The following CPLX2 variants were observed in gnomAD, a reference collection of about 807,000 sequenced individuals.
The protein encoded by CPLX2 is complexin-2.
A neutral mutation model predicts 16.3 loss-of-function variants in CPLX2; 5 were observed. That is an observed-to-expected ratio of 0.31 (90% CI 0.16 to 0.64). The LOEUF is 0.64. CPLX2 is among the 30% of genes least tolerant of loss of function. The probability of loss-of-function intolerance (pLI) is 0.79; values close to 1 mark genes in which losing one functional copy is unlikely to be tolerated. For synonymous variants in CPLX2, 89 were observed against 73.2 expected (o/e 1.22, Z -1.10); for missense variants, 144 against 181.4 (o/e 0.79, Z 1.18).
At chr5:175,826,407 T>G (rs1439022974) in intron 2 of CPLX2, among the ~76,000 whole-genome samples, 2 of 152,062 alleles carry the variant, frequency 1.3e-5, no homozygotes, top group Non-Finnish European at 1.5e-5. Context: ...CTATTCCCAG[T>G]GCGAAAGGAC....
intron 1 of CPLX2, among the ~76,000 whole-genome samples, chr5:175,800,492 A>AC (rs1234173407): frequency 6.6e-6 from 1 of 151,080 alleles, no homozygotes; most frequent in East Asian, 1.9e-4. Flanking sequence ...CTCCAGAAAA[A>AC]AAAAAAACAA....
At chr5:175,879,680 C>T in intron 3 of CPLX2, 168 bp from the exon 4 acceptor site, 1 of 722,838 alleles carries the variant, frequency 1.4e-6, no homozygotes. Flanking sequence ...CACTGAGGAC[C>T]AGGCACCATC....
intron 2 of CPLX2, among the ~76,000 whole-genome samples, chr5:175,861,230 G>A (rs914515392): frequency 3.3e-5 from 5 of 152,130 alleles, no homozygotes. Flanking sequence ...AATCAAAAAA[G>A]CCTTGGGCTT....
At chr5:175,800,845 GA>G (rs1282338659) in intron 1 of CPLX2, among the ~76,000 whole-genome samples, 1 of 152,098 alleles carries the variant, frequency 6.6e-6, no homozygotes, top group Non-Finnish European at 1.5e-5. Context: ...AAGCAAATGT[GA>G]AAATAGACAG....
At chr5:175,826,406 G>A (rs910369546) in intron 2 of CPLX2, among the ~76,000 whole-genome samples, 8 of 152,130 alleles carry the variant, frequency 5.3e-5, no homozygotes, top group African/African-American at 1.9e-4. Flanking sequence ...GCTATTCCCA[G>A]TGCGAAAGGA....
rs1247360475 is a variant in CPLX2 at position 175,845,701 on chromosome 5, C to G, written c.-88-32951C>G. Among the ~76,000 whole-genome samples the G allele has an allele frequency of 2.0e-5, 3 of 152,168 alleles. No homozygotes were observed. The highest frequency in any genetic ancestry group is 2.9e-5 in the Non-Finnish European group (2 of 68,042). The stretch of plus-strand genomic sequence containing the variant: ...CTGGTTCCACGGGCCTGGCACACTG[C>G]CTGGCACAGAGAAAGAGCCCGAGGG... On this transcript the variant is annotated intron_variant, in intron 2 of 4. Transcript: ENST00000359546. This position sits in a 1 kb window ranked among gnomAD's most constrained non-coding sequence, Gnocchi z 4.0.
intron 2 of CPLX2, among the ~76,000 whole-genome samples, chr5:175,864,462 A>G (rs1759429439): frequency 6.6e-6 from 1 of 152,176 alleles, no homozygotes; most frequent in Non-Finnish European, 1.5e-5. Flanking sequence ...CTTCACTAAG[A>G]CAGCACTTAA....
At chr5:175,806,984 T>C (rs1758218782) in intron 1 of CPLX2, among the ~76,000 whole-genome samples, 2 of 152,156 alleles carry the variant, frequency 1.3e-5, no homozygotes, top group South Asian at 2.1e-4. Flanking sequence ...GTGTTAAGGA[T>C]TGTGACTGTG....
rs561054302 is a variant in CPLX2 at position 175,847,231 on chromosome 5, G to A, written c.-88-31421G>A. ...TTAAGAAGATTCTTCTGGCAGCACA[G>A]ACCAGGTTGAGTTGGAGGAGCCGCG... On this transcript the variant is annotated intron_variant, in intron 2 of 4. Transcript: ENST00000359546. Among the ~76,000 whole-genome samples the A allele has an allele frequency of 4.2e-3, 646 of 152,310 alleles. 4 individuals are homozygous for A. Among genetic ancestry groups the A allele is most frequent in the African/African-American group, 0.015 (609 of 41,564 alleles).
chr5:175,865,597 A>G (rs893656760), intron 2 of CPLX2, among the ~76,000 whole-genome samples: 1 of 152,210 alleles, frequency 6.6e-6, no homozygotes, highest in African/African-American at 2.4e-5. Flanking sequence ...TTAAGATTCT[A>G]AAGTTGTGAG....
At chr5:175,818,731 G>A (rs975350050) in intron 2 of CPLX2, among the ~76,000 whole-genome samples, 2 of 132,198 alleles carry the variant, frequency 1.5e-5, no homozygotes, top group Admixed American at 9.6e-5. Flanking sequence ...ATGCGATCTC[G>A]GTTCACTGCA....
intron 2 of CPLX2, among the ~76,000 whole-genome samples, chr5:175,828,898 T>C (rs1445632709): frequency 6.6e-6 from 1 of 152,146 alleles, no homozygotes; most frequent in Admixed American, 6.5e-5. Context: ...GAGGCTGTGA[T>C]TCATGGCCAT....
At chr5:175,851,547 C>T (rs1016339617) in intron 2 of CPLX2, among the ~76,000 whole-genome samples, 4 of 152,186 alleles carry the variant, frequency 2.6e-5, no homozygotes, top group Non-Finnish European at 5.9e-5. Context: ...GTGAAATGGG[C>T]GTAATAACTT....
At chr5:175,825,652 C>T (rs1004687777) in intron 2 of CPLX2, among the ~76,000 whole-genome samples, 10 of 152,032 alleles carry the variant, frequency 6.6e-5, no homozygotes, top group South Asian at 4.1e-4. Context: ...GAGAGTGGGA[C>T]GAGAGTCTCT....
At position 175,849,740 on chromosome 5, in the gene CPLX2, C is replaced by A. The variant is rs147455819; in HGVS notation, c.-88-28912C>A. Among the ~76,000 whole-genome samples the A allele has an allele frequency of 6.6e-6, 1 of 152,056 alleles. No homozygotes were observed. Among genetic ancestry groups the A allele is most frequent in the East Asian group, 1.9e-4 (1 of 5,186 alleles). ...TCTCGGTGTTATAGCTCCCCTGCTG[C>A]GTGAGCTCCAACAGGGCCCTGGACC... On this transcript the variant is annotated intron_variant, in intron 2 of 4. Coordinates refer to the CPLX2 transcript ENST00000359546. This position sits in a 1 kb window ranked among gnomAD's most constrained non-coding sequence, Gnocchi z 4.4.
chr5:175,867,741 C>A (rs531668572), upstream of CPLX2, among the ~76,000 whole-genome samples: 2 of 152,216 alleles, frequency 1.3e-5, no homozygotes, highest in South Asian at 4.2e-4. Flanking sequence ...GATGATGACA[C>A]ACAGCGCCTG....
rs144106783 is a variant in CPLX2 at position 175,797,676 on chromosome 5, G to C, written c.-169+892G>C. Reference sequence around the variant, plus strand: ...GAAGCCGCGGGGAAGCCTCACGAACGGGACAGCTCCAGGCTCCCTCTCTCC... The same window carrying C: ...GAAGCCGCGGGGAAGCCTCACGAACCGGACAGCTCCAGGCTCCCTCTCTCC... On this transcript the variant is annotated intron_variant, in intron 1 of 4. Transcript: ENST00000359546. Among the ~76,000 whole-genome samples the C allele has an allele frequency of 4.9e-3, 744 of 152,194 alleles. 1 individual carries two copies. The highest frequency in any genetic ancestry group is 0.011 in the Admixed American group (175 of 15,294).
intron 1 of CPLX2, among the ~76,000 whole-genome samples, chr5:175,797,151 C>CCGCGGCGGCGGACAGCT (rs1317356663): frequency 6.6e-6 from 1 of 152,224 alleles, no homozygotes; most frequent in Non-Finnish European, 1.5e-5. Context: ...AACGCTAGCA[C>CCGCGGCGGCGGACAGCT]CGCGGCGGCG....
Position 175,880,310 on chromosome 5 carries a change from C to T in CPLX2, c.*265C>T, listed in dbSNP as rs960348827. 1.9e-6 allele frequency: 1 copy of T among 531,636 alleles called. No individual in the cohort carries two copies. Among genetic ancestry groups the T allele is most frequent in the African/African-American group, 1.9e-5 (1 of 52,396 alleles). 32.9% of individuals were successfully genotyped at this position (531,636 alleles called of 1,614,324 possible). A position where few individuals can be genotyped will look rare whatever the true frequency, so the allele number is the denominator to read the frequency against. ...GGGTCAGGGGGGCCCCTCAGGAAGC[C>T]TAAGGTCGTGCTAGTGTGGTGACCC... is the stretch of plus-strand genomic sequence containing the variant. On this transcript the variant is annotated 3_prime_UTR_variant, in exon 4 of 4. Coordinates refer to ENST00000393745, the MANE Select transcript of CPLX2 (RefSeq NM_001008220.2).
Sources: gnomAD v4.1 joint callset for allele counts (sites outside exome capture counted in the v4.1 genomes callset) on GRCh38, gnomAD v4.1.1 for gene constraint, Gnocchi (gnomAD v3.1) non-coding constraint, MANE v1.5 for transcripts, NCBI Gene and HGNC (gene_info 2026-07-23, HGNC 2026-07-21) for gene names.